CEP192: variants seen among roughly 807,000 people sequenced by gnomAD.
The protein encoded by CEP192 is centrosomal protein of 192 kDa.
In CEP192, 151 loss-of-function variants were observed where a neutral mutation model predicts 271.8. That is an observed-to-expected ratio of 0.56 (90% CI 0.49 to 0.64). The LOEUF is 0.64. CEP192 is among the 30% of genes least tolerant of loss of function. The pLI, the probability that CEP192 is intolerant of heterozygous loss-of-function variation, is 0.00. For synonymous variants in CEP192, 995 were observed against 1,076.5 expected (o/e 0.92, Z 1.48); for missense variants, 2,910 against 3,020.5 (o/e 0.96, Z 0.86).
Position 13,087,016 on chromosome 18 carries a change from G to T in CEP192, c.5617-1G>T. 1 of 1,592,724 alleles carries T rather than the reference G, an allele frequency of 6.3e-7. No individual in the cohort carries two copies. The highest frequency in any genetic ancestry group is 1.1e-5 in the South Asian group (1 of 88,636). On this transcript the variant is annotated splice_acceptor_variant, in intron 30 of 44. Transcript: ENST00000506447. LOFTEE classifies it high-confidence loss of function. ...ATTTTGGATATGTATATCTTTTTTA[G>T]ATACCTTTGTCTGGATATGGAGGAA...
At chr18:13,090,266 T>C (rs866941357) in intron 33 of CEP192, among the ~76,000 whole-genome samples, 9 of 152,336 alleles carry the variant, frequency 5.9e-5, no homozygotes, top group Middle Eastern at 3.4e-3. Flanking sequence ...TGGTAGAATA[T>C]TTGAAGCCAT....
intron 4 of CEP192, 56 bp from the exon 5 acceptor site, chr18:13,012,917 G>A (rs2034444718): frequency 2.2e-6 from 2 of 898,504 alleles, no homozygotes; most frequent in Non-Finnish European, 1.7e-6. Context: ...GTATCGTTGG[G>A]TATTTGGTTG....
At chr18:13,088,259 G>GT (rs1203037833) in intron 32 of CEP192, among the ~76,000 whole-genome samples, 1 of 152,020 alleles carries the variant, frequency 6.6e-6, no homozygotes, top group East Asian at 1.9e-4. Flanking sequence ...ACCAGCCTGG[G>GT]CAACATAATG....
Position 13,055,784 on chromosome 18 carries a change from A to T in CEP192, c.3194A>T (p.Asp1065Val). 1 of 1,549,636 alleles carries T rather than the reference A, an allele frequency of 6.5e-7. No homozygotes were observed. Among genetic ancestry groups the T allele is most frequent in the Non-Finnish European group, 8.7e-7 (1 of 1,151,254 alleles). Residue 1065 changes from aspartate to valine, a missense_variant, in exon 19 of 45, where the codon GAT becomes GTT. Transcript: ENST00000506447. ...TDDALEDRKSDITSELSTTII... is the reference protein window; with the variant it reads ...TDDALEDRKSVITSELSTTII... The stretch of plus-strand genomic sequence containing the variant: ...AACAAATTTTGTTGCACTCAGAGTG[A>T]TATCACCAGCGAGTTGAGTACCACA...
intron 44 of CEP192, among the ~76,000 whole-genome samples, chr18:13,122,951 G>A (rs1037303602): frequency 6.6e-6 from 1 of 151,944 alleles, no homozygotes; most frequent in Non-Finnish European, 1.5e-5. Context: ...TGTATTAAAT[G>A]TTGTGGTTCT....
rs769689197 is a variant in CEP192, at chr18:13,095,534, A to G, written c.6286A>G (p.Asn2096Asp). ...DLGASGKHGG[N>D]VSLDVLPVKG... is the part of the protein sequence containing the mutation. Reference sequence around the variant, plus strand: ...GGGAGCTTCTGGGAAACATGGTGGCAACGTCTCTTTGGATGTTTTACCAGT... The same window carrying G: ...GGGAGCTTCTGGGAAACATGGTGGCGACGTCTCTTTGGATGTTTTACCAGT... Residue 2096 changes from asparagine to aspartate, a missense_variant, in exon 35 of 45, where the codon AAC becomes GAC. By Grantham distance (23) the Asn-to-Asp change is conservative (BLOSUM62 1). Transcript: ENST00000506447. 1 of 1,612,762 alleles carries G rather than the reference A, an allele frequency of 6.2e-7. No homozygotes were observed. Among genetic ancestry groups the G allele is most frequent in the East Asian group, 2.2e-5 (1 of 44,866 alleles).
intron 17 of CEP192, among the ~76,000 whole-genome samples, chr18:13,051,277 C>G (rs1187475157): frequency 1.3e-5 from 2 of 152,068 alleles, no homozygotes; most frequent in African/African-American, 4.8e-5. Context: ...AGCATTTGTT[C>G]TTGTTAACCA....
At chr18:13,003,965 C>T (rs908458132) in intron 3 of CEP192, among the ~76,000 whole-genome samples, 2 of 151,954 alleles carry the variant, frequency 1.3e-5, no homozygotes, top group Admixed American at 6.6e-5. Flanking sequence ...GAATCAACAG[C>T]GAGATTAAGA....
chr18:13,020,319 G>A (rs1000953625), intron 9 of CEP192, among the ~76,000 whole-genome samples: 1 of 152,102 alleles, frequency 6.6e-6, no homozygotes, highest in African/African-American at 2.4e-5. Flanking sequence ...TCATATAAGT[G>A]AAATCATACA....
chr18:13,045,799 C>T (rs1042450124), intron 15 of CEP192, among the ~76,000 whole-genome samples: 4 of 152,180 alleles, frequency 2.6e-5, no homozygotes, highest in Non-Finnish European at 4.4e-5. Context: ...TTGAGCATGT[C>T]TCTCCTCAGT....
At chr18:13,030,094 C>A in intron 10 of CEP192, 92 bp downstream of exon 10, 2 of 1,035,596 alleles carry the variant, frequency 1.9e-6, no homozygotes, top group Non-Finnish European at 2.8e-6. Context: ...GCCAGTCTTT[C>A]CTGTTGAAAT....
intron 3 of CEP192, 78 bp downstream of exon 3, chr18:13,001,660 T>G: frequency 7.6e-7 from 1 of 1,312,218 alleles, no homozygotes; most frequent in South Asian, 1.5e-5. Flanking sequence ...ACAATGTGAT[T>G]GTGTATGTAA....
intron 40 of CEP192, 95 bp from the exon 41 acceptor site, chr18:13,113,491 T>C: frequency 7.9e-7 from 1 of 1,261,700 alleles, no homozygotes; most frequent in Non-Finnish European, 1.1e-6. Context: ...TTTGTTCCTT[T>C]AATTTTTTTC....
In CEP192 at chr18:13,113,462, A is replaced by G. The variant is rs536312724; in HGVS notation, c.7048-124A>G. 8 of 917,954 alleles carry G rather than the reference A, an allele frequency of 8.7e-6. No individual in the cohort carries two copies. In the African/African-American group the frequency reaches 1.2e-4, roughly 14 times the overall value. 56.9% of individuals were successfully genotyped at this position (917,954 alleles called of 1,614,324 possible). ...CCAAATTCTTTCAATTAATGGCAAAACTAGCCAGTGCAAAAGCATTTGTTC... is the reference window on the plus strand; with the variant it reads ...CCAAATTCTTTCAATTAATGGCAAAGCTAGCCAGTGCAAAAGCATTTGTTC... On this transcript the variant is annotated intron_variant, in intron 40 of 44. Transcript: ENST00000506447.
At chr18:13,000,101 T>C (rs1192420028) in intron 2 of CEP192, among the ~76,000 whole-genome samples, 18,784 of 137,412 alleles carry the variant, frequency 0.14, 2,746 homozygotes, top group African/African-American at 0.26. Flanking sequence ...CTTTTTTTTT[T>C]TTTTTTTTTT....
intron 33 of CEP192, among the ~76,000 whole-genome samples, chr18:13,090,722 G>C (rs1356060441): frequency 1.3e-5 from 2 of 152,120 alleles, no homozygotes; most frequent in African/African-American, 2.4e-5. Flanking sequence ...AAAAAACCTT[G>C]GACTTGGAGT....
intron 3 of CEP192, among the ~76,000 whole-genome samples, chr18:13,006,450 T>C (rs1383431271): frequency 6.6e-6 from 1 of 152,146 alleles, no homozygotes; most frequent in Non-Finnish European, 1.5e-5. Flanking sequence ...ACTTGAATAT[T>C]GCATATTTTG....
Position 12,992,446 on chromosome 18 carries a change from C to G in CEP192, c.-5+1009C>G, listed in dbSNP as rs183880063. On this transcript the variant is annotated intron_variant, in intron 1 of 44. Transcript: ENST00000506447. ...CTATAGTCAGTAATCTTTTATGTACCTAGGAATGTAATTAGTGAGTCCAGA... is the reference window on the plus strand; with the variant it reads ...CTATAGTCAGTAATCTTTTATGTACGTAGGAATGTAATTAGTGAGTCCAGA... Among the ~76,000 whole-genome samples, 904 of 152,078 alleles carry G rather than the reference C, an allele frequency of 5.9e-3. 9 individuals carry two copies. The highest frequency in any genetic ancestry group is 0.021 in the African/African-American group (869 of 41,466).
intron 3 of CEP192, among the ~76,000 whole-genome samples, chr18:13,001,878 T>C (rs2033668397): frequency 6.6e-6 from 1 of 152,146 alleles, no homozygotes. Flanking sequence ...TAATTGTTTT[T>C]GTATTTTTAG....
Sources: allele counts gnomAD v4.1 joint callset (sites outside exome capture counted in the v4.1 genomes callset), GRCh38; gene constraint gnomAD v4.1.1; transcripts MANE v1.5; gene names NCBI Gene and HGNC (gene_info 2026-07-23, HGNC 2026-07-21).